Variants in TMX2 observed in about 807,000 individuals in gnomAD.
The protein encoded by TMX2 is thioredoxin related transmembrane protein 2, also known as thioredoxin-related transmembrane protein 2.
In TMX2, 20 loss-of-function variants were observed where a neutral mutation model predicts 33.4. The ratio of observed to expected loss-of-function variants is 0.60; its 90% CI spans 0.42 to 0.87. TMX2 has a LOEUF of 0.87. Among genes scored for constraint, TMX2 ranks in the 40% least tolerant of loss-of-function variants. TMX2 has a pLI of 0.00. For synonymous variants in TMX2, 166 were observed against 140.7 expected, an observed-to-expected ratio of 1.18 and a Z score of -1.27; for missense variants, 340 against 370.7, an observed-to-expected ratio of 0.92 and a Z score of 0.68.
intron 1 of TMX2, among the ~76,000 whole-genome samples, chr11:57,719,514 C>CTTTTTTTTTTTTTTTTTTTTTT (rs1183104624): frequency 1.4e-5 from 1 of 70,510 alleles, no homozygotes; most frequent in Non-Finnish European, 2.5e-5. Context: ...TTTTCTTTGT[C>CTTTTTTTTTTTTTTTTTTTTTT]TTTTTTTTTT....
intron 1 of TMX2, among the ~76,000 whole-genome samples, chr11:57,722,060 G>T (rs1230346533): frequency 3.3e-5 from 5 of 152,094 alleles, no homozygotes; most frequent in Non-Finnish European, 5.9e-5. Flanking sequence ...CAGTGGCATG[G>T]TCGCAGTTCA....
chr11:57,716,353 A>C (rs78720316), intron 1 of TMX2, among the ~76,000 whole-genome samples: 199 of 13,130 alleles, frequency 0.015, no homozygotes, highest in Middle Eastern at 0.05. Context: ...GCTGACCCCC[A>C]CACCTCCCTC....
At chr11:57,716,005 A>G (rs1248608839) in intron 1 of TMX2, among the ~76,000 whole-genome samples, 2 of 152,200 alleles carry the variant, frequency 1.3e-5, no homozygotes, top group African/African-American at 2.4e-5. Flanking sequence ...CACGGCAACC[A>G]TCCGATTTTT....
intron 1 of TMX2, among the ~76,000 whole-genome samples, chr11:57,713,546 C>G (rs637116): frequency 0.048 from 7,346 of 152,228 alleles, 618 homozygotes; most frequent in African/African-American, 0.17. Flanking sequence ...AGCACTTTCC[C>G]TTCTGCCATA....
At chr11:57,735,291 C>G (rs1948675306) in intron 1 of TMX2, among the ~76,000 whole-genome samples, 1 of 151,672 alleles carries the variant, frequency 6.6e-6, no homozygotes, top group South Asian at 2.1e-4. Context: ...TCACTGCAAC[C>G]TCCGCCTCCC....
intron 7 of TMX2, 99 bp from the exon 8 acceptor site, chr11:57,739,996 TACTC>T: frequency 6.5e-7 from 1 of 1,541,038 alleles, no homozygotes; most frequent in Admixed American, 1.9e-5. Flanking sequence ...GTCCTTTGCT[TACTC>T]CTTCCTTTCC....
At chr11:57,726,499 A>C (rs1050088436) in intron 1 of TMX2, among the ~76,000 whole-genome samples, 6 of 151,576 alleles carry the variant, frequency 4.0e-5, no homozygotes, top group African/African-American at 1.4e-4. Flanking sequence ...TTACTTAATA[A>C]TTTTAAGAAG....
In TMX2 at chr11:57,740,355, G is replaced by A. The variant is rs1158486157; in HGVS notation, c.*110G>A. On this transcript the variant is annotated 3_prime_UTR_variant, in exon 8 of 8. Coordinates refer to ENST00000278422, the MANE Select transcript of TMX2 (RefSeq NM_015959.4). ...ATGTTTTCCCTTTGGCTGTGACTGG[G>A]TGGGGCAGCATGCAGCTTCTGATTT... 34 of 1,307,822 alleles carry A rather than the reference G, an allele frequency of 2.6e-5. No homozygotes were observed. Among genetic ancestry groups the A allele is most frequent in the African/African-American group, 3.1e-5 (2 of 65,504 alleles). 81.0% of individuals were successfully genotyped at this position (1,307,822 alleles called of 1,614,324 possible). A position where few individuals can be genotyped will look rare whatever the true frequency, so the allele number is the denominator to read the frequency against.
Position 57,718,128 on chromosome 11 carries a change from A to G in TMX2, c.189+5321A>G, listed in dbSNP as rs537731593. The G allele has an allele frequency of 2.2e-4, 262 of 1,190,742 alleles. 1 individual carries two copies. The highest frequency in any genetic ancestry group is 3.8e-4 in the Middle Eastern group (2 of 5,288). 73.8% of individuals were successfully genotyped at this position (1,190,742 alleles called of 1,614,324 possible). A position where few individuals can be genotyped will look rare whatever the true frequency, so the allele number is the denominator to read the frequency against. On this transcript the variant is annotated intron_variant, in intron 1 of 7. Coordinates refer to ENST00000278422, the MANE Select transcript of TMX2 (RefSeq NM_015959.4). ...GCGCTCCATGGCCTCTGCAATATTC[A>G]TGCCTTCTTTCACCTTGCCAAAGAC...
intron 1 of TMX2, among the ~76,000 whole-genome samples, chr11:57,729,686 G>C (rs566913427): frequency 6.6e-6 from 1 of 151,964 alleles, no homozygotes; most frequent in Non-Finnish European, 1.5e-5. Context: ...GAACAAAAAG[G>C]AGGTTGTTAT....
rs758180401 is a variant in TMX2 at position 57,740,277 on chromosome 11, T to C, written c.*32T>C. The C allele has an allele frequency of 1.9e-6, 3 of 1,548,970 alleles. No individual in the cohort carries two copies. In the South Asian group the frequency reaches 3.8e-5, roughly 19 times the overall value. Reference sequence around the variant, plus strand: ...CACTTTGGCAGTGCTTCCTCTCCTGTCAATTCCAGGCTCTTTCCATAACCA... The same window carrying C: ...CACTTTGGCAGTGCTTCCTCTCCTGCCAATTCCAGGCTCTTTCCATAACCA... On this transcript the variant is annotated 3_prime_UTR_variant, in exon 8 of 8. Coordinates refer to ENST00000278422, the MANE Select transcript of TMX2 (RefSeq NM_015959.4).
At chr11:57,740,034 T>TA in intron 7 of TMX2, 65 bp from the exon 8 acceptor site, 2 of 1,607,736 alleles carry the variant, frequency 1.2e-6, no homozygotes, top group Non-Finnish European at 1.7e-6. Flanking sequence ...AAATACCTCT[T>TA]ACTTCCCAGG....
At chr11:57,716,828 C>T (rs951007520) in intron 1 of TMX2, among the ~76,000 whole-genome samples, 1 of 142,922 alleles carries the variant, frequency 7.0e-6, no homozygotes, top group Non-Finnish European at 1.5e-5. Context: ...GGGCGGCTGG[C>T]CGGGCGGGGG....
chr11:57,714,394 A>T (rs952039824), intron 1 of TMX2, among the ~76,000 whole-genome samples: 2 of 152,222 alleles, frequency 1.3e-5, no homozygotes, highest in Non-Finnish European at 2.9e-5. Flanking sequence ...ACAAAGCTTA[A>T]TATCTGGTAT....
At chr11:57,740,065 C>T (rs1441618012) in intron 7 of TMX2, 34 bp from the exon 8 acceptor site, 4 of 1,613,502 alleles carry the variant, frequency 2.5e-6, no homozygotes, top group Middle Eastern at 1.6e-4. Context: ...TCCCTTCCAA[C>T]CCAGATCCTG....
At chr11:57,715,037 C>A (rs1002008626) in intron 1 of TMX2, among the ~76,000 whole-genome samples, 1 of 152,156 alleles carries the variant, frequency 6.6e-6, no homozygotes, top group Non-Finnish European at 1.5e-5. Flanking sequence ...TCCGGTGATA[C>A]AGTTTCAAAG....
chr11:57,734,119 A>G (rs1948583327), intron 1 of TMX2, among the ~76,000 whole-genome samples: 1 of 120,558 alleles, frequency 8.3e-6, no homozygotes, highest in Non-Finnish European at 1.6e-5. Flanking sequence ...AGACCGCGCC[A>G]CTGTACTCCA....
At chr11:57,722,221 C>G (rs746332796) in intron 1 of TMX2, among the ~76,000 whole-genome samples, 1 of 152,046 alleles carries the variant, frequency 6.6e-6, no homozygotes, top group Non-Finnish European at 1.5e-5. Context: ...AGGCTGGTCT[C>G]GAACTCCTGA....
intron 1 of TMX2, among the ~76,000 whole-genome samples, chr11:57,724,012 G>A (rs1442350582): frequency 1.3e-5 from 2 of 151,734 alleles, no homozygotes; most frequent in African/African-American, 2.4e-5. Context: ...AAACCAAAGG[G>A]TGTAATGTAA....
Sources: gnomAD v4.1 joint callset for allele counts (sites outside exome capture counted in the v4.1 genomes callset) on GRCh38, gnomAD v4.1.1 for gene constraint, MANE v1.5 for transcripts, NCBI Gene and HGNC (gene_info 2026-07-23, HGNC 2026-07-21) for gene names.